SCAPER: variants seen among roughly 807,000 people sequenced by gnomAD.
SCAPER encodes S phase cyclin A-associated protein in the endoplasmic reticulum.
A neutral mutation model predicts 182.2 loss-of-function variants in SCAPER; 98 were observed. The ratio of observed to expected loss-of-function variants is 0.54; its 90% confidence interval spans 0.46 to 0.64. The LOEUF (loss-of-function observed/expected upper bound fraction) is 0.64, where lower values mean the gene tolerates loss of function less well. Among genes scored for constraint, SCAPER ranks in the 30% least tolerant of loss-of-function variants. The pLI, the probability that SCAPER is intolerant of heterozygous loss-of-function variation, is 0.00. For synonymous variants in SCAPER, 605 were observed against 564.6 expected, an observed-to-expected ratio of 1.07 and a Z score of -1.01; for missense variants, 1,432 against 1,690.0, an observed-to-expected ratio of 0.85 and a Z score of 2.68.
At chr15:76,498,009 A>AAT (rs1597040643) in intron 24 of SCAPER, among the ~76,000 whole-genome samples, 1 of 142,672 alleles carries the variant, frequency 7.0e-6, no homozygotes, top group East Asian at 2.0e-4. Flanking sequence ...AAAAAAAAAA[A>AAT]AAAAAAAAAA....
rs935891189 is a variant in SCAPER, at chr15:76,591,071, G to C, written c.2712-16787C>G. Among the ~76,000 whole-genome samples, 5 of 151,972 alleles carry C rather than the reference G, an allele frequency of 3.3e-5. No individual in the cohort carries two copies. The East Asian group carries it at 5.8e-4, about 18-fold the overall frequency. On this transcript the variant is annotated intron_variant, in intron 22 of 31. Coordinates refer to ENST00000563290, the MANE Select transcript of SCAPER (RefSeq NM_020843.4). ...GGTGAATGATGAGAATGACTTAATG[G>C]GTATAATGTACATTTTATCAGTGAT...
At chr15:76,858,561 A>G (rs2071598330) in intron 3 of SCAPER, among the ~76,000 whole-genome samples, 1 of 152,022 alleles carries the variant, frequency 6.6e-6, no homozygotes, top group South Asian at 2.1e-4. Context: ...TTATTTTGTC[A>G]CTCAGGTAAT....
intron 25 of SCAPER, among the ~76,000 whole-genome samples, chr15:76,438,279 CAAA>C (rs372587932): frequency 4.5e-5 from 5 of 110,992 alleles, no homozygotes; most frequent in Non-Finnish European, 5.4e-5. Context: ...GAGACTGTCT[CAAA>C]AAAAAAAAAA....
At chr15:76,859,660 T>A (rs979276287) in intron 3 of SCAPER, among the ~76,000 whole-genome samples, 2 of 152,244 alleles carry the variant, frequency 1.3e-5, no homozygotes, top group Non-Finnish European at 2.9e-5. Context: ...AATATTCTTC[T>A]TTTGTCATCA....
chr15:76,664,005 A>G (rs542507697), intron 21 of SCAPER, among the ~76,000 whole-genome samples: 19 of 152,302 alleles, frequency 1.2e-4, no homozygotes, highest in Non-Finnish European at 2.2e-4. Flanking sequence ...CATTTAAAAA[A>G]AAAGGCCCTC....
intron 25 of SCAPER, among the ~76,000 whole-genome samples, chr15:76,439,270 G>C (rs1008215134): frequency 6.6e-6 from 1 of 152,020 alleles, no homozygotes; most frequent in Admixed American, 6.6e-5. Flanking sequence ...GTAGAGATAG[G>C]GTTTCGTCAT....
At chr15:76,375,215 CA>C (rs35499483) in intron 29 of SCAPER, among the ~76,000 whole-genome samples, 1,015 of 56,876 alleles carry the variant, frequency 0.018, 3 homozygotes, top group East Asian at 0.12. Context: ...AAGAACTTGT[CA>C]AAAAAAAAAA....
chr15:76,888,675 T>C (rs1304375739), intron 1 of SCAPER, among the ~76,000 whole-genome samples: 1 of 152,196 alleles, frequency 6.6e-6, no homozygotes, highest in East Asian at 1.9e-4. Context: ...ATATGCACTA[T>C]GTGAAAAGAC....
intron 5 of SCAPER, among the ~76,000 whole-genome samples, chr15:76,835,575 C>G (rs2068858020): frequency 6.6e-6 from 1 of 152,190 alleles, no homozygotes; most frequent in Non-Finnish European, 1.5e-5. Flanking sequence ...ATGACACTCT[C>G]ATAGCTAACA....
At chr15:76,436,778 TCAAA>T (rs1285633549) in intron 25 of SCAPER, among the ~76,000 whole-genome samples, 1 of 152,234 alleles carries the variant, frequency 6.6e-6, no homozygotes, top group African/African-American at 2.4e-5. Flanking sequence ...CTGGATCTAA[TCAAA>T]CAGAAGCTGA....
At chr15:76,645,333 A>T (rs2054456412) in intron 21 of SCAPER, among the ~76,000 whole-genome samples, 1 of 152,110 alleles carries the variant, frequency 6.6e-6, no homozygotes, top group African/African-American at 2.4e-5. Flanking sequence ...CATTTTACAT[A>T]TTCTTCTACA....
intron 27 of SCAPER, among the ~76,000 whole-genome samples, chr15:76,401,400 T>C (rs2044445511): frequency 1.3e-5 from 2 of 152,224 alleles, no homozygotes; most frequent in Non-Finnish European, 2.9e-5. Context: ...TCTATTTTCA[T>C]TGACCTTACT....
chr15:76,468,190 C>T (rs1178905731), intron 25 of SCAPER, among the ~76,000 whole-genome samples: 4 of 152,064 alleles, frequency 2.6e-5, no homozygotes, highest in African/African-American at 9.7e-5. Context: ...TCACCAACCA[C>T]CCCAAACCAG....
At position 76,446,946 on chromosome 15, in the gene SCAPER, C is replaced by T. The variant is rs141421204; in HGVS notation, c.3079-12636G>A. ...ACATGATTCAATAAATTACATGAGA[C>T]GTTCAACACTTCATTGTACAACAGA... On this transcript the variant is annotated intron_variant, in intron 25 of 31. Transcript: ENST00000563290. Among the ~76,000 whole-genome samples the T allele has an allele frequency of 3.9e-5, 6 of 152,270 alleles. No individual in the cohort carries two copies. In the East Asian group the frequency reaches 7.7e-4, roughly 20 times the overall value.
At chr15:76,386,668 T>C (rs1266990033) in intron 27 of SCAPER, among the ~76,000 whole-genome samples, 18 of 152,032 alleles carry the variant, frequency 1.2e-4, no homozygotes, top group Admixed American at 1.2e-3. Flanking sequence ...TGTGGACACC[T>C]GGGGGAAGGG....
At chr15:76,804,236 A>G (rs546158335) in intron 6 of SCAPER, among the ~76,000 whole-genome samples, 2 of 152,328 alleles carry the variant, frequency 1.3e-5, no homozygotes, top group Non-Finnish European at 2.9e-5. Context: ...AAGAACCGTA[A>G]TAGTTTTTTG....
At chr15:76,456,331 G>A (rs2048732932) in intron 25 of SCAPER, among the ~76,000 whole-genome samples, 1 of 152,040 alleles carries the variant, frequency 6.6e-6, no homozygotes, top group Admixed American at 6.5e-5. Context: ...GCCAACATCT[G>A]TTGTTTCCTG....
chr15:76,765,698 A>G, intron 11 of SCAPER, 60 bp from the exon 12 acceptor site: 1 of 1,314,372 alleles, frequency 7.6e-7, no homozygotes, highest in Non-Finnish European at 1.1e-6. Context: ...AACTTTAGAA[A>G]ATGAACTATA....
At chr15:76,546,620 T>C (rs1251431132) in intron 23 of SCAPER, among the ~76,000 whole-genome samples, 2 of 152,014 alleles carry the variant, frequency 1.3e-5, no homozygotes, top group African/African-American at 4.8e-5. Context: ...TTTGATGCTT[T>C]TATACTTCTC....
Sources: allele counts gnomAD v4.1 joint callset (sites outside exome capture counted in the v4.1 genomes callset), GRCh38; gene constraint gnomAD v4.1.1; transcripts MANE v1.5; gene names NCBI Gene and HGNC (gene_info 2026-07-23, HGNC 2026-07-21).